MICU3: variants seen among roughly 807,000 people sequenced by gnomAD.
MICU3 encodes the protein calcium uptake protein 3, mitochondrial.
In MICU3, 62 loss-of-function variants were observed where a neutral mutation model predicts 66.5. The ratio of observed to expected loss-of-function variants is 0.93; its 90% CI spans 0.76 to 1.15. The LOEUF (loss-of-function observed/expected upper bound fraction) is 1.15. MICU3 is among the 50% of genes most tolerant of loss of function. The pLI, the probability that MICU3 is intolerant of heterozygous loss-of-function variation, is 0.00. For synonymous variants in MICU3, 308 were observed against 240.7 expected (o/e 1.28, Z -2.59); for missense variants, 779 against 664.4 (o/e 1.17, Z -1.90).
chr8:17,101,680 C>T (rs1801267708), intron 9 of MICU3, among the ~76,000 whole-genome samples: 1 of 151,804 alleles, frequency 6.6e-6, no homozygotes, highest in Admixed American at 6.6e-5. Context: ...AGAAAACATT[C>T]CTTAATTATG....
At chr8:17,040,914 T>G (rs1399561332) in intron 1 of MICU3, among the ~76,000 whole-genome samples, 3 of 152,182 alleles carry the variant, frequency 2.0e-5, no homozygotes, top group South Asian at 4.1e-4. Flanking sequence ...GGCAATTGGG[T>G]GGATTTGCTG....
intron 5 of MICU3, chr8:17,082,074 C>T: frequency 5.4e-6 from 1 of 183,576 alleles, no homozygotes; most frequent in Non-Finnish European, 1.1e-5. Flanking sequence ...ATATTTTCTG[C>T]CAGACTGATG....
chr8:17,049,215 C>T (rs1276142631), intron 1 of MICU3, among the ~76,000 whole-genome samples: 1 of 152,058 alleles, frequency 6.6e-6, no homozygotes, highest in African/African-American at 2.4e-5. Flanking sequence ...GACACTGAGC[C>T]AGGAAGACCG....
At chr8:17,041,998 T>C (rs1814203383) in intron 1 of MICU3, among the ~76,000 whole-genome samples, 2 of 152,236 alleles carry the variant, frequency 1.3e-5, no homozygotes, top group African/African-American at 4.8e-5. Context: ...ATGAAATCTT[T>C]ACATTTGTTC....
intron 1 of MICU3, among the ~76,000 whole-genome samples, chr8:17,060,652 A>T (rs1191351627): frequency 6.6e-6 from 1 of 152,068 alleles, no homozygotes; most frequent in Non-Finnish European, 1.5e-5. Flanking sequence ...TCTGAGTGGT[A>T]TTGGTGTGTT....
intron 7 of MICU3, among the ~76,000 whole-genome samples, chr8:17,088,482 T>G (rs114762954): frequency 0.01 from 1,524 of 152,108 alleles, 34 homozygotes; most frequent in African/African-American, 0.035. Context: ...TTATTTTAAT[T>G]TTGATATATT....
intron 1 of MICU3, among the ~76,000 whole-genome samples, chr8:17,035,421 C>G (rs1812796607): frequency 1.3e-5 from 2 of 152,234 alleles, no homozygotes; most frequent in Admixed American, 6.5e-5. Context: ...TTCCTACAGA[C>G]TTGTTGAATG....
At position 17,114,180 on chromosome 8, in the gene MICU3, G is replaced by T; in HGVS notation, c.1345G>T (p.Ala449Ser). The T allele has an allele frequency of 6.2e-7, 1 of 1,608,416 alleles. No homozygotes were observed. Among genetic ancestry groups the T allele is most frequent in the Non-Finnish European group, 8.5e-7 (1 of 1,176,534 alleles). The change falls in exon 12 of 15, where the codon GCA becomes TCA. Residue 449 changes from alanine to serine, a missense_variant. Ala to Ser is a moderately conservative substitution (Grantham distance 99). Coordinates refer to ENST00000318063, the MANE Select transcript of MICU3 (RefSeq NM_181723.3). ...AATAGCCCTGAATATGTATAACTTT[G>T]CAAGTCGTTCTATAGGGCAAGGTAA... ...FAIALNMYNF[A>S]SRSIGQDEFK...
chr8:17,068,692 T>C (rs985662711), intron 2 of MICU3, among the ~76,000 whole-genome samples: 3 of 152,184 alleles, frequency 2.0e-5, no homozygotes, highest in African/African-American at 7.2e-5. Context: ...ATATTTCTTC[T>C]CTTTTGATTT....
chr8:17,088,059 T>C (rs1799656793), intron 7 of MICU3, among the ~76,000 whole-genome samples: 1 of 152,026 alleles, frequency 6.6e-6, no homozygotes, highest in South Asian at 2.1e-4. Context: ...GATTATTATC[T>C]ATAGCAGATG....
At chr8:17,118,685 A>G (rs772165859) in intron 13 of MICU3, 22 bp from the exon 14 acceptor site, 1 of 1,534,828 alleles carries the variant, frequency 6.5e-7, no homozygotes, top group African/African-American at 1.4e-5. Context: ...ACATTTGCAC[A>G]CTTTGCTCTT....
At chr8:17,071,603 A>C (rs1011670989) in intron 3 of MICU3, among the ~76,000 whole-genome samples, 1 of 152,192 alleles carries the variant, frequency 6.6e-6, no homozygotes, top group African/African-American at 2.4e-5. Flanking sequence ...ATGTAGTATG[A>C]AAAAAAGAAG....
the MICU3 span, among the ~76,000 whole-genome samples, chr8:17,137,805 T>C: frequency 6.7e-6 from 1 of 149,180 alleles, no homozygotes; most frequent in African/African-American, 2.5e-5. Context: ...CAACCTCCGA[T>C]TCCCAGATTC....
At chr8:17,073,405 T>C (rs566962703) in intron 3 of MICU3, among the ~76,000 whole-genome samples, 2 of 152,028 alleles carry the variant, frequency 1.3e-5, no homozygotes, top group East Asian at 3.9e-4. Flanking sequence ...AGTTGTGTGC[T>C]TCTTATGAGA....
chr8:17,060,849 C>A (rs1478308361), intron 1 of MICU3, among the ~76,000 whole-genome samples: 1 of 149,666 alleles, frequency 6.7e-6, no homozygotes, highest in Non-Finnish European at 1.5e-5. Flanking sequence ...AAACTCCTTA[C>A]TGACCTTCTT....
At chr8:17,091,784 G>T (rs1331562373) in intron 8 of MICU3, among the ~76,000 whole-genome samples, 2 of 152,058 alleles carry the variant, frequency 1.3e-5, no homozygotes, top group African/African-American at 4.8e-5. Flanking sequence ...CTCTGTTAAT[G>T]ATTTCAACAA....
At position 17,027,382 on chromosome 8, in the gene MICU3, AC is replaced by A; in HGVS notation, c.106del (p.Leu36TrpfsTer32). The A allele has an allele frequency of 6.8e-7, 1 of 1,459,918 alleles. No homozygotes were observed. The allele number at this position is 1,459,918 out of a possible 1,614,324, so 90.4% of individuals were successfully genotyped here. ...LGPWGRPAVT[T>X]LGLPGRPFSS... ...GCCGTGGGGGCGGCCTGCGGTGACC[AC>A]CCTGGGCCTTCCTGGCCGGCCCTTC... On this transcript the variant is annotated frameshift_variant, in exon 1 of 15. Coordinates refer to ENST00000318063, the MANE Select transcript of MICU3 (RefSeq NM_181723.3). LOFTEE classifies it high-confidence loss of function.
At chr8:17,086,430 A>C (rs1417810298) in intron 6 of MICU3, among the ~76,000 whole-genome samples, 1 of 152,144 alleles carries the variant, frequency 6.6e-6, no homozygotes, top group Non-Finnish European at 1.5e-5. Flanking sequence ...CCCTGAGCCA[A>C]GCCACTGGAG....
chr8:17,038,419 T>C (rs1359688626), intron 1 of MICU3, among the ~76,000 whole-genome samples: 1 of 152,196 alleles, frequency 6.6e-6, no homozygotes, highest in African/African-American at 2.4e-5. Context: ...ACTTTGCTCC[T>C]CATTTGCCTT....
Sources: allele counts gnomAD v4.1 joint callset (sites outside exome capture counted in the v4.1 genomes callset), GRCh38; gene constraint gnomAD v4.1.1; transcripts MANE v1.5; gene names NCBI Gene and HGNC (gene_info 2026-07-23, HGNC 2026-07-21).